Variants in BTNL9 observed in about 807,000 individuals in gnomAD.
The protein encoded by BTNL9 is butyrophilin like 9, also known as butyrophilin-like protein 9.
BTNL9 carries 45 observed loss-of-function variants against 45.8 expected under a neutral mutation model. The observed-to-expected ratio is 0.98, with a 90% CI of 0.77 to 1.26. BTNL9 has a LOEUF of 1.26. BTNL9 is among the 50% of genes most tolerant of loss of function. The pLI, the probability that BTNL9 is intolerant of heterozygous loss-of-function variation, is 0.00. For synonymous variants in BTNL9, 346 were observed against 330.8 expected (o/e 1.05, Z -0.50); for missense variants, 784 against 729.7 (o/e 1.07, Z -0.86).
chr5:181,046,554 A>T (rs1432110778), intron 2 of BTNL9, among the ~76,000 whole-genome samples: 4 of 152,230 alleles, frequency 2.6e-5, no homozygotes, highest in Admixed American at 2.0e-4. Context: ...CCTGGGCTGG[A>T]AACCAGGAAT....
chr5:181,053,854 C>T lies in BTNL9; in HGVS notation c.886+353C>T. ...CAGGTTTTCATAGCGCACAGGGAGTCGGGCGGATGCGCAACATCTCCGCAC... is the reference window on the plus strand; with the variant it reads ...CAGGTTTTCATAGCGCACAGGGAGTTGGGCGGATGCGCAACATCTCCGCAC... On this transcript the variant is annotated intron_variant, in intron 6 of 10. Transcript: ENST00000327705. This position sits in a 1 kb window ranked among gnomAD's most constrained non-coding sequence, Gnocchi z 6.5. 6.6e-7 allele frequency: 1 copy of T among 1,506,764 alleles called. No homozygotes were observed. The highest frequency in any genetic ancestry group is 2.6e-5 in the East Asian group (1 of 38,272). The allele number at this position is 1,506,764 out of a possible 1,614,324, so 93.3% of individuals were successfully genotyped here.
Position 181,055,897 on chromosome 5 carries a change from TGC to T in BTNL9, c.929-90_929-89del. On this transcript the variant is annotated intron_variant, in intron 8 of 10. Transcript: ENST00000327705. This position sits in a 1 kb window ranked among gnomAD's most constrained non-coding sequence, Gnocchi z 4.4. ...TGCTGGCTATGTGGGTGGTGGGGGG[TGC>T]GGGACAGGGTGGGTGCAAGATGTGA... The T allele has an allele frequency of 6.8e-7, 1 of 1,466,810 alleles. No homozygotes were observed. The highest frequency in any genetic ancestry group is 9.6e-7 in the Non-Finnish European group (1 of 1,046,134). 90.9% of individuals were successfully genotyped at this position (1,466,810 alleles called of 1,614,324 possible). A position where few individuals can be genotyped will look rare whatever the true frequency, so the allele number is the denominator to read the frequency against.
At position 181,053,438 on chromosome 5, in the gene BTNL9, C is replaced by A. The variant is rs532902047; in HGVS notation, c.854-31C>A. Reference sequence around the variant, plus strand: ...GGCCTGGAAGGGGCGGGGGCGCGCACTCAGCCCTCTCCGCTCCCGTTTCCC... The same window carrying A: ...GGCCTGGAAGGGGCGGGGGCGCGCAATCAGCCCTCTCCGCTCCCGTTTCCC... On this transcript the variant is annotated intron_variant, in intron 5 of 10. Coordinates refer to ENST00000327705, the MANE Select transcript of BTNL9 (RefSeq NM_152547.5). This position sits in a 1 kb window ranked among gnomAD's most constrained non-coding sequence, Gnocchi z 6.5. The A allele has an allele frequency of 3.9e-6, 6 of 1,555,186 alleles. No homozygotes were observed. The highest frequency in any genetic ancestry group is 5.2e-6 in the Non-Finnish European group (6 of 1,150,326).
At position 181,053,496 on chromosome 5, in the gene BTNL9, G is replaced by C. The variant is rs1561983733; in HGVS notation, c.881G>C (p.Arg294Thr). The C allele has an allele frequency of 6.3e-7, 1 of 1,578,406 alleles. No homozygotes were observed. Among genetic ancestry groups the C allele is most frequent in the East Asian group, 2.3e-5 (1 of 43,472 alleles). The part of the protein sequence containing the change: ...REKLRKQAEK[R>T]QEKLTAELEK... Reference sequence around the variant, plus strand: ...AAGCTGAGGAAGCAGGCGGAGAAGAGACAAGGTGAGCGGGGACAGGGCGTT... The same window carrying C: ...AAGCTGAGGAAGCAGGCGGAGAAGACACAAGGTGAGCGGGGACAGGGCGTT... The change falls in exon 6 of 11, where the codon AGA becomes ACA. Residue 294 changes from arginine to threonine, a missense_variant. Coordinates refer to ENST00000327705, the MANE Select transcript of BTNL9 (RefSeq NM_152547.5). The surrounding 1 kb of genome is among the most constrained non-coding windows in gnomAD (Gnocchi z 6.5).
intron 7 of BTNL9, chr5:181,054,803 T>C: frequency 1.0e-6 from 1 of 985,420 alleles, no homozygotes; most frequent in South Asian, 4.7e-5. Flanking sequence ...TCTGGCAGTC[T>C]ACCTCGCCCT....
Position 181,053,273 on chromosome 5 carries a change from G to C in BTNL9, c.810G>C (p.Ala270=). The change falls in exon 5 of 11, where the codon GCG becomes GCC. Residue 270 remains alanine (A), a synonymous_variant. Coordinates refer to ENST00000327705, the MANE Select transcript of BTNL9 (RefSeq NM_152547.5). This position sits in a 1 kb window ranked among gnomAD's most constrained non-coding sequence, Gnocchi z 6.5. ...CCCTGCCGCTGCTGTTGGTCCTCGC[G>C]GCGCTGGCGCTGGGCGTCCTCCGGA... is the stretch of plus-strand genomic sequence containing the variant. ...VATLPLLLVL[A]ALALGVLRKQ... 10 of 1,585,092 alleles carry C rather than the reference G, an allele frequency of 6.3e-6. No individual in the cohort carries two copies. Among genetic ancestry groups the C allele is most frequent in the Non-Finnish European group, 8.6e-6 (10 of 1,167,274 alleles).
intron 1 of BTNL9, among the ~76,000 whole-genome samples, chr5:181,044,325 T>C (rs1279235371): frequency 2.0e-5 from 3 of 152,088 alleles, no homozygotes; most frequent in Non-Finnish European, 4.4e-5. Context: ...ACACCTGCCA[T>C]GCCAAGGTCT....
intron 7 of BTNL9, 87 bp downstream of exon 7, chr5:181,054,346 G>A (rs912328047): frequency 1.9e-5 from 30 of 1,581,216 alleles, no homozygotes; most frequent in Non-Finnish European, 2.5e-5. Context: ...TTTGGACAGC[G>A]GCTGGCAACT....
intron 2 of BTNL9, among the ~76,000 whole-genome samples, chr5:181,046,056 T>C (rs1184370113): frequency 2.1e-5 from 3 of 140,804 alleles, no homozygotes; most frequent in Non-Finnish European, 4.5e-5. Context: ...TCCTCCACCA[T>C]CTCCCCAGCC....
chr5:181,042,104 A>G lies in BTNL9; in HGVS notation c.-24+1672A>G, dbSNP rs939720758. Among the ~76,000 whole-genome samples the G allele has an allele frequency of 1.4e-4, 21 of 152,314 alleles. 1 individual carries two copies. The highest frequency in any genetic ancestry group is 1.0e-3 in the Admixed American group (16 of 15,304). ...GGCGGGCTGGGGGCAATGAGAGAGCAAGAAGAAAAGAAAAATAAAAAGAGA... is the reference window on the plus strand; with the variant it reads ...GGCGGGCTGGGGGCAATGAGAGAGCGAGAAGAAAAGAAAAATAAAAAGAGA... On this transcript the variant is annotated intron_variant, in intron 1 of 10. Coordinates refer to ENST00000327705, the MANE Select transcript of BTNL9 (RefSeq NM_152547.5). The surrounding 1 kb of genome is among the most constrained non-coding windows in gnomAD (Gnocchi z 4.5).
In BTNL9 at chr5:181,053,532, C is replaced by G. The variant is rs779783493; in HGVS notation, c.886+31C>G. On this transcript the variant is annotated intron_variant, in intron 6 of 10. Transcript: ENST00000327705. The surrounding 1 kb of genome is among the most constrained non-coding windows in gnomAD (Gnocchi z 6.5). Reference sequence around the variant, plus strand: ...CGGGGACAGGGCGTTCTGCACGCACCTGCCCAAGTGCCAAAACCCGCCGTC... The same window carrying G: ...CGGGGACAGGGCGTTCTGCACGCACGTGCCCAAGTGCCAAAACCCGCCGTC... 9.6e-6 allele frequency: 15 copies of G among 1,562,272 alleles called. No homozygotes were observed. In the South Asian group the frequency reaches 1.8e-4, roughly 18 times the overall value.
At chr5:181,051,784 C>T (rs1761554425) in intron 4 of BTNL9, among the ~76,000 whole-genome samples, 1 of 151,866 alleles carries the variant, frequency 6.6e-6, no homozygotes, top group Non-Finnish European at 1.5e-5. Context: ...CAGGAAAAAC[C>T]CAATATTTTC....
rs1367012998 is a variant in BTNL9 at position 181,059,758 on chromosome 5, A to T, written c.1504A>T (p.Ile502Phe). 1 of 1,611,900 alleles carries T rather than the reference A, an allele frequency of 6.2e-7. No homozygotes were observed. Among genetic ancestry groups the T allele is most frequent in the African/African-American group, 1.3e-5 (1 of 74,922 alleles). Residue 502 changes from isoleucine to phenylalanine, a missense_variant, in exon 11 of 11, where the codon ATC becomes TTC. Physicochemically the swap from Ile to Phe is conservative, Grantham distance 21. Transcript: ENST00000327705. Reference sequence around the variant, plus strand: ...CGGCGAACATCCGGATCCCCTGACCATCTGCCCGCTGCCGGTTAGAGGGAC... The same window carrying T: ...CGGCGAACATCCGGATCCCCTGACCTTCTGCCCGCTGCCGGTTAGAGGGAC... ...DGGEHPDPLT[I>F]CPLPVRGTGV...
At chr5:181,041,952 A>T (rs898322927) in intron 1 of BTNL9, among the ~76,000 whole-genome samples, 1 of 152,140 alleles carries the variant, frequency 6.6e-6, no homozygotes, top group Non-Finnish European at 1.5e-5. Context: ...TAAATTATCT[A>T]AAAAAATAAC....
At chr5:181,044,379 G>A (rs1174912359) in intron 1 of BTNL9, among the ~76,000 whole-genome samples, 2 of 152,174 alleles carry the variant, frequency 1.3e-5, no homozygotes, top group African/African-American at 4.8e-5. Context: ...GAGACAGAGA[G>A]GGTTGGAGAG....
chr5:181,047,787 C>A, intron 2 of BTNL9, 140 bp from the exon 3 acceptor site: 1 of 821,060 alleles, frequency 1.2e-6, no homozygotes, highest in Non-Finnish European at 1.9e-6. Context: ...GTTCAAGGAT[C>A]TAGGCCAGTT....
At position 181,043,823 on chromosome 5, in the gene BTNL9, A is replaced by G. The variant is rs540433440; in HGVS notation, c.-23-1644A>G. On this transcript the variant is annotated intron_variant, in intron 1 of 10. Coordinates refer to ENST00000327705, the MANE Select transcript of BTNL9 (RefSeq NM_152547.5). ...GGAACCCTTCCTTGCCAGCTTCCCCACCTGTCGCAGAGAGGCTTCCACCAG... is the reference window on the plus strand; with the variant it reads ...GGAACCCTTCCTTGCCAGCTTCCCCGCCTGTCGCAGAGAGGCTTCCACCAG... Among the ~76,000 whole-genome samples the G allele has an allele frequency of 2.0e-5, 3 of 152,294 alleles. No homozygotes were observed. In the South Asian group the frequency reaches 6.2e-4, roughly 32 times the overall value.
At chr5:181,049,278 G>A (rs933615887) in intron 3 of BTNL9, among the ~76,000 whole-genome samples, 8 of 152,116 alleles carry the variant, frequency 5.3e-5, no homozygotes, top group Non-Finnish European at 1.2e-4. Flanking sequence ...TCTTTGTAAA[G>A]CTTTTTAAAA....
chr5:181,058,502 C>A (rs533105531), intron 10 of BTNL9, 124 bp downstream of exon 10: 2 of 1,269,176 alleles, frequency 1.6e-6, no homozygotes, highest in African/African-American at 1.5e-5. Context: ...CCTGCACACA[C>A]AAGACACACA....
Sources: allele counts gnomAD v4.1 joint callset (sites outside exome capture counted in the v4.1 genomes callset), GRCh38; gene constraint gnomAD v4.1.1; non-coding constraint Gnocchi (gnomAD v3.1); transcripts MANE v1.5; gene names NCBI Gene and HGNC (gene_info 2026-07-23, HGNC 2026-07-21).